Variants in GFRAL observed in about 807,000 individuals in gnomAD.
The protein encoded by GFRAL is GDNF family receptor alpha-like.
A neutral mutation model predicts 45.4 loss-of-function variants in GFRAL; 36 were observed. That is an observed-to-expected ratio of 0.79 (90% confidence interval 0.61 to 1.05). The LOEUF is 1.05. Among genes scored for constraint, GFRAL ranks in the 50% least tolerant of loss-of-function variants. GFRAL has a pLI of 0.00. For missense variants in GFRAL, 507 were observed against 467.5 expected (o/e 1.08, Z -0.78); for synonymous variants, 166 against 154.1 (o/e 1.08, Z -0.57).
In GFRAL at chr6:55,351,530, AC is replaced by A; in HGVS notation, c.653del (p.Pro218LeufsTer6). 1 of 1,609,304 alleles carries A rather than the reference AC, an allele frequency of 6.2e-7. No homozygotes were observed. The highest frequency in any genetic ancestry group is 2.2e-5 in the East Asian group (1 of 44,698). On this transcript the variant is annotated frameshift_variant, in exon 5 of 9. Transcript: ENST00000340465. LOFTEE classifies it high-confidence loss of function. ...SKTCAVNMVP[P>X]PTCLSVIRSC... The stretch of plus-strand genomic sequence containing the variant: ...AGACATGTGCAGTGAACATGGTTCC[AC>A]CCCCTACTTGCCTCAGTGTAATTCG...
chr6:55,330,370 G>T (rs183764639), intron 1 of GFRAL, among the ~76,000 whole-genome samples: 1,570 of 152,136 alleles, frequency 0.01, 24 homozygotes, highest in African/African-American at 0.036. Flanking sequence ...ACAATCCAGT[G>T]GTGGAGACAG....
intron 6 of GFRAL, among the ~76,000 whole-genome samples, chr6:55,367,206 T>A (rs1768376809): frequency 8.0e-6 from 1 of 124,392 alleles, no homozygotes; most frequent in Non-Finnish European, 1.7e-5. Flanking sequence ...TGGCCTTCTT[T>A]CTCTCTTTTG....
chr6:55,367,424 G>A (rs1408088959), intron 6 of GFRAL, among the ~76,000 whole-genome samples: 1 of 144,908 alleles, frequency 6.9e-6, no homozygotes, highest in East Asian at 1.9e-4. Flanking sequence ...TTTAATTGGA[G>A]CATTTAGTCC....
rs1482954397 is a variant in GFRAL, at chr6:55,332,874, T to C, written c.158-912T>C. ...GAATAAAGTAAATAGAATAAGTAAATAGAATAAACTGTCTATGTGGTAGAA... is the reference window on the plus strand; with the variant it reads ...GAATAAAGTAAATAGAATAAGTAAACAGAATAAACTGTCTATGTGGTAGAA... On this transcript the variant is annotated intron_variant, in intron 2 of 8. Transcript: ENST00000340465. Among the ~76,000 whole-genome samples, 4 of 151,890 alleles carry C rather than the reference T, an allele frequency of 2.6e-5. No individual in the cohort carries two copies. In the East Asian group the frequency reaches 7.7e-4, roughly 29 times the overall value.
At chr6:55,366,276 C>T (rs1021381616) in intron 6 of GFRAL, among the ~76,000 whole-genome samples, 6 of 150,362 alleles carry the variant, frequency 4.0e-5, no homozygotes, top group Non-Finnish European at 6.0e-5. Flanking sequence ...TCTATGGGAT[C>T]GGTAGTGACA....
At position 55,401,981 on chromosome 6, in the gene GFRAL, T is replaced by C; in HGVS notation, c.*128T>C. 2 of 597,356 alleles carry C rather than the reference T, an allele frequency of 3.3e-6. No homozygotes were observed. 37.0% of individuals were successfully genotyped at this position (597,356 alleles called of 1,614,324 possible). A position where few individuals can be genotyped will look rare whatever the true frequency, so the allele number is the denominator to read the frequency against. ...TCCCCTCTCTGTTTCTTTTTCTTTT[T>C]CTTTTCTTTTTTGTGGCGGAGTTTT... is the stretch of plus-strand genomic sequence containing the variant. On this transcript the variant is annotated 3_prime_UTR_variant, in exon 9 of 9. Transcript: ENST00000340465.
intron 3 of GFRAL, among the ~76,000 whole-genome samples, chr6:55,341,744 GA>G (rs1004823670): frequency 1.1e-4 from 16 of 152,150 alleles, no homozygotes; most frequent in Admixed American, 1.0e-3. Flanking sequence ...GAGGATGTTC[GA>G]ACCCATTGAA....
rs994088006 is a variant in GFRAL, at chr6:55,384,595, A to T, written c.953-14585A>T. On this transcript the variant is annotated intron_variant, in intron 6 of 8. Transcript: ENST00000340465. ...ACACTGTGTTTAGAAAGGAGTGAAGAATTTTTGCTTCGCACTGGGTAAAAT... is the reference window on the plus strand; with the variant it reads ...ACACTGTGTTTAGAAAGGAGTGAAGTATTTTTGCTTCGCACTGGGTAAAAT... Among the ~76,000 whole-genome samples the T allele has an allele frequency of 2.6e-5, 4 of 152,190 alleles. No homozygotes were observed. The East Asian group carries it at 7.7e-4, about 29-fold the overall frequency.
At chr6:55,399,329 A>T (rs1311021623) in intron 7 of GFRAL, 40 bp from the exon 8 acceptor site, 1 of 1,551,302 alleles carries the variant, frequency 6.4e-7, no homozygotes, top group East Asian at 2.3e-5. Flanking sequence ...TCCTCTAAAA[A>T]TCCAGTGACT....
chr6:55,373,366 T>C (rs1768478984), intron 6 of GFRAL, among the ~76,000 whole-genome samples: 1 of 152,164 alleles, frequency 6.6e-6, no homozygotes. Flanking sequence ...CCAAATCCTG[T>C]TCATAGAGTT....
intron 6 of GFRAL, among the ~76,000 whole-genome samples, chr6:55,392,545 A>G (rs1047173734): frequency 3.9e-5 from 6 of 152,202 alleles, no homozygotes; most frequent in African/African-American, 1.4e-4. Context: ...ATGTTGGGAA[A>G]TTGAAGAATG....
rs148831204 is a variant in GFRAL at position 55,327,595 on chromosome 6, T to A, written c.22+19T>A. 39 of 1,608,566 alleles carry A rather than the reference T, an allele frequency of 2.4e-5. No individual in the cohort carries two copies. The highest frequency in any genetic ancestry group is 3.1e-5 in the Non-Finnish European group (37 of 1,175,200). Reference sequence around the variant, plus strand: ...TTCTTGGGTAAGTGAATGGTGCTTCTGGTTTATCTGAATTATTCATAATAC... The same window carrying A: ...TTCTTGGGTAAGTGAATGGTGCTTCAGGTTTATCTGAATTATTCATAATAC... On this transcript the variant is annotated intron_variant, in intron 1 of 8. Transcript: ENST00000340465.
chr6:55,363,851 G>T (rs1466352172), intron 6 of GFRAL, among the ~76,000 whole-genome samples: 1 of 151,174 alleles, frequency 6.6e-6, no homozygotes, highest in African/African-American at 2.4e-5. Flanking sequence ...TGGACATTTG[G>T]GTTGGTTCCA....
At chr6:55,338,712 A>T (rs6908217) in intron 3 of GFRAL, among the ~76,000 whole-genome samples, 140,429 of 152,170 alleles carry the variant, frequency 0.92, 65,567 homozygotes, top group Non-Finnish European at 1. Flanking sequence ...AAAATGGATA[A>T]TTTAAGCAGA....
chr6:55,386,056 C>T (rs991166870), intron 6 of GFRAL, among the ~76,000 whole-genome samples: 1 of 152,034 alleles, frequency 6.6e-6, no homozygotes, highest in Non-Finnish European at 1.5e-5. Flanking sequence ...AATAACTTTC[C>T]TTTCCTAATA....
At chr6:55,382,641 A>G (rs1223678640) in intron 6 of GFRAL, among the ~76,000 whole-genome samples, 3 of 152,004 alleles carry the variant, frequency 2.0e-5, no homozygotes, top group Non-Finnish European at 2.9e-5. Context: ...TAGAAGTCAA[A>G]TTCTGTGCTT....
chr6:55,355,945 A>C, intron 5 of GFRAL, among the ~76,000 whole-genome samples: 1 of 151,906 alleles, frequency 6.6e-6, no homozygotes, highest in East Asian at 1.9e-4. Flanking sequence ...GAACGTAGAG[A>C]ACTTTAGCAA....
intron 3 of GFRAL, among the ~76,000 whole-genome samples, chr6:55,341,814 A>G (rs1767969870): frequency 6.6e-6 from 1 of 152,220 alleles, no homozygotes; most frequent in African/African-American, 2.4e-5. Flanking sequence ...TAAACAGTAT[A>G]GAGAAGTCCT....
intron 3 of GFRAL, among the ~76,000 whole-genome samples, chr6:55,338,632 T>C (rs1767921536): frequency 6.6e-6 from 1 of 152,024 alleles, no homozygotes; most frequent in Admixed American, 6.6e-5. Context: ...TAATGGTGAC[T>C]CAGAAGACTT....
Sources: allele counts gnomAD v4.1 joint callset (sites outside exome capture counted in the v4.1 genomes callset), GRCh38; gene constraint gnomAD v4.1.1; transcripts MANE v1.5; gene names NCBI Gene and HGNC (gene_info 2026-07-23, HGNC 2026-07-21).